The following MRRF variants were observed in gnomAD, a reference collection of about 807,000 sequenced individuals.
MRRF encodes the protein mitochondrial ribosome recycling factor.
A neutral mutation model predicts 25.1 loss-of-function variants in MRRF; 18 were observed. That is an observed-to-expected ratio of 0.72 (90% CI 0.50 to 1.06). The LOEUF is 1.06. MRRF is among the 50% of genes least tolerant of loss of function. The pLI is 0.00. For synonymous variants in MRRF, 113 were observed against 112.1 expected, an observed-to-expected ratio of 1.01 and a Z score of -0.05; for missense variants, 323 against 319.3, an observed-to-expected ratio of 1.01 and a Z score of -0.09.
intron 5 of MRRF, among the ~76,000 whole-genome samples, chr9:122,308,412 G>A (rs1197812385): frequency 6.7e-6 from 1 of 148,182 alleles, no homozygotes; most frequent in African/African-American, 2.5e-5. Context: ...TTTAAGATGG[G>A]GTCAGGCCGG....
intron 1 of MRRF, chr9:122,265,651 A>G: frequency 2.7e-6 from 2 of 741,332 alleles, no homozygotes; most frequent in Non-Finnish European, 4.1e-6. Context: ...CCTTCATTTT[A>G]TGGTTGAAAC....
intron 1 of MRRF, among the ~76,000 whole-genome samples, chr9:122,265,299 A>G (rs572501199): frequency 6.6e-6 from 1 of 152,350 alleles, no homozygotes; most frequent in African/African-American, 2.4e-5. Context: ...TCACGCGGTC[A>G]GAAAGTGAGG....
chr9:122,280,708 C>A, intron 3 of MRRF, 110 bp downstream of exon 3: 1 of 1,020,096 alleles, frequency 9.8e-7, no homozygotes, highest in Non-Finnish European at 1.5e-6. Context: ...TGGCCATGGG[C>A]AGTTACTTTG....
At chr9:122,298,108 G>A (rs1443410196) in intron 5 of MRRF, among the ~76,000 whole-genome samples, 3 of 152,194 alleles carry the variant, frequency 2.0e-5, no homozygotes, top group Admixed American at 6.5e-5. Flanking sequence ...GAGTTGAGCA[G>A]GATTCAAACT....
At chr9:122,277,539 A>G (rs1277887782) in intron 2 of MRRF, among the ~76,000 whole-genome samples, 1 of 151,892 alleles carries the variant, frequency 6.6e-6, no homozygotes, top group East Asian at 1.9e-4. Context: ...TTGTGTTATT[A>G]TTTTATTTTG....
intron 5 of MRRF, among the ~76,000 whole-genome samples, chr9:122,299,294 T>C (rs1834286568): frequency 6.6e-6 from 1 of 151,722 alleles, no homozygotes; most frequent in African/African-American, 2.4e-5. Context: ...CTGGGATTTT[T>C]AGTAGAGATG....
intron 5 of MRRF, among the ~76,000 whole-genome samples, chr9:122,308,520 G>A (rs551277554): frequency 2.0e-5 from 3 of 151,198 alleles, no homozygotes; most frequent in South Asian, 2.1e-4. Flanking sequence ...CCAACATGGC[G>A]AAACCCCGTC....
At chr9:122,303,090 T>C (rs1834573778) in intron 5 of MRRF, among the ~76,000 whole-genome samples, 1 of 152,170 alleles carries the variant, frequency 6.6e-6, no homozygotes, top group African/African-American at 2.4e-5. Flanking sequence ...TTCTGGATAT[T>C]AGACTCTTAT....
At chr9:122,275,034 A>G (rs1182760152) in intron 2 of MRRF, among the ~76,000 whole-genome samples, 1 of 149,192 alleles carries the variant, frequency 6.7e-6, no homozygotes, top group African/African-American at 2.5e-5. Context: ...TTTGATATAC[A>G]TGCAGTGATA....
At chr9:122,306,550 T>C (rs1202945964) in intron 5 of MRRF, among the ~76,000 whole-genome samples, 2 of 152,202 alleles carry the variant, frequency 1.3e-5, no homozygotes, top group Non-Finnish European at 2.9e-5. Flanking sequence ...GAGCCCGTTC[T>C]CTTAAGTGCT....
intron 1 of MRRF, among the ~76,000 whole-genome samples, chr9:122,269,476 G>A (rs1232756768): frequency 6.6e-6 from 1 of 152,116 alleles, no homozygotes; most frequent in East Asian, 1.9e-4. Flanking sequence ...TGTAATCCTA[G>A]CACTTTGGGA....
chr9:122,294,805 T>TTA (rs1205278601), intron 5 of MRRF, among the ~76,000 whole-genome samples: 1 of 152,138 alleles, frequency 6.6e-6, no homozygotes, highest in Non-Finnish European at 1.5e-5. Flanking sequence ...TGTGGTGAGA[T>TTA]TAATAGAGAA....
At chr9:122,265,119 G>GA (rs1279491883) in intron 1 of MRRF, among the ~76,000 whole-genome samples, 181 bp downstream of exon 1, 4 of 152,204 alleles carry the variant, frequency 2.6e-5, no homozygotes, top group Admixed American at 2.6e-4. Flanking sequence ...ATGGGGTGGG[G>GA]GCGGGGCTCC....
In MRRF at chr9:122,327,166, A is replaced by G. The variant is rs1363369660; in HGVS notation, c.*4549A>G. On this transcript the variant is annotated 3_prime_UTR_variant, in exon 7 of 7. Coordinates refer to ENST00000344641, the MANE Select transcript of MRRF (RefSeq NM_138777.5). ...AAATGGTAGCTCTTATGGAGACAGTAAAGATTACATATTAATCCCCCACCT... is the reference window on the plus strand; with the variant it reads ...AAATGGTAGCTCTTATGGAGACAGTGAAGATTACATATTAATCCCCCACCT... The G allele has an allele frequency of 6.6e-6, 1 of 152,268 alleles. No homozygotes were observed. Among genetic ancestry groups the G allele is most frequent in the African/African-American group, 2.4e-5 (1 of 41,466 alleles). 9.4% of individuals were successfully genotyped at this position (152,268 alleles called of 1,614,324 possible). A position where few individuals can be genotyped will look rare whatever the true frequency, so the allele number is the denominator to read the frequency against.
intron 2 of MRRF, among the ~76,000 whole-genome samples, chr9:122,276,323 C>G (rs959638530): frequency 6.6e-6 from 1 of 152,124 alleles, no homozygotes; most frequent in African/African-American, 2.4e-5. Context: ...TAAGGTCTTG[C>G]TTTGTTGCCT....
intron 5 of MRRF, among the ~76,000 whole-genome samples, chr9:122,292,902 G>T (rs1329550882): frequency 6.6e-6 from 1 of 152,126 alleles, no homozygotes; most frequent in Non-Finnish European, 1.5e-5. Context: ...GCCCAAATAA[G>T]TGTTGAATTA....
chr9:122,265,387 A>G (rs1832002753), intron 1 of MRRF: 1 of 239,302 alleles, frequency 4.2e-6, no homozygotes, highest in Non-Finnish European at 8.4e-6. Context: ...CCCAGTGGCA[A>G]AACAGTTGTC....
chr9:122,304,486 G>A (rs1310352462), intron 5 of MRRF, among the ~76,000 whole-genome samples: 2 of 152,172 alleles, frequency 1.3e-5, no homozygotes, highest in African/African-American at 2.4e-5. Context: ...GTCAAGAATC[G>A]AAAGCGTAGG....
chr9:122,296,190 AG>A (rs1321207853), intron 5 of MRRF, among the ~76,000 whole-genome samples: 1 of 151,908 alleles, frequency 6.6e-6, no homozygotes, highest in Admixed American at 6.6e-5. Flanking sequence ...ATTGAGTCTT[AG>A]GGGCTCTGGA....
Sources: allele counts gnomAD v4.1 joint callset (sites outside exome capture counted in the v4.1 genomes callset), GRCh38; gene constraint gnomAD v4.1.1; transcripts MANE v1.5; gene names NCBI Gene and HGNC (gene_info 2026-07-23, HGNC 2026-07-21).